Variants in SCAP observed in about 807,000 individuals in gnomAD.
The protein encoded by SCAP is sterol regulatory element-binding protein cleavage-activating protein.
Under a neutral mutation model 123.6 loss-of-function variants are expected in SCAP, and 65 were observed. The ratio of observed to expected loss-of-function variants is 0.53; its 90% CI spans 0.43 to 0.65. SCAP has a LOEUF of 0.65. Ranked by LOEUF, SCAP falls within the 30% of genes least tolerant of loss-of-function variation. The probability of loss-of-function intolerance (pLI) is 0.00; values close to 1 mark genes in which losing one functional copy is unlikely to be tolerated. For missense variants in SCAP, 1,398 were observed against 1,712.5 expected (o/e 0.82, Z 3.24); for synonymous variants, 740 against 726.3 (o/e 1.02, Z -0.30).
intron 1 of SCAP, among the ~76,000 whole-genome samples, chr3:47,447,392 C>T (rs1393235812): frequency 6.6e-6 from 1 of 150,786 alleles, no homozygotes; most frequent in Non-Finnish European, 1.5e-5. Context: ...GACTCCGTCT[C>T]AAAAAAGGAG....
Position 47,417,724 on chromosome 3 carries a change from G to A in SCAP, c.2550C>T (p.Asp850=). Residue 850 remains aspartate (D), a synonymous_variant, in exon 17 of 23, where the codon GAC becomes GAT. Transcript: ENST00000265565. The stretch of plus-strand genomic sequence containing the variant: ...GGGGGCGGTGTCTCAGGGGAGGGCT[G>A]TCCCCAGGCTCCTCTGGACCAGCCT... ...GGKAGPEEPG[D]SPPLRHRPRG... is the part of the protein sequence containing the mutation. 6.2e-7 allele frequency: 1 copy of A among 1,608,222 alleles called. No individual in the cohort carries two copies. Among genetic ancestry groups the A allele is most frequent in the Non-Finnish European group, 8.5e-7 (1 of 1,178,734 alleles).
chr3:47,435,392 A>T (rs960593956), intron 2 of SCAP, among the ~76,000 whole-genome samples: 4 of 151,868 alleles, frequency 2.6e-5, no homozygotes, highest in Non-Finnish European at 5.9e-5. Context: ...AAATGTTTTC[A>T]GGCTGTATAA....
Position 47,420,811 on chromosome 3 carries a change from C to T in SCAP, c.1345-39G>A, listed in dbSNP as rs755973042. On this transcript the variant is annotated intron_variant, in intron 11 of 22. Coordinates refer to ENST00000265565, the MANE Select transcript of SCAP (RefSeq NM_012235.4). This position sits in a 1 kb window ranked among gnomAD's most constrained non-coding sequence, Gnocchi z 5.0. ...AGTGGTCAGGGCCTGAGTCCACCATCCAGAGGCTGCTCGCACAGGACCGCT... is the reference window on the plus strand; with the variant it reads ...AGTGGTCAGGGCCTGAGTCCACCATTCAGAGGCTGCTCGCACAGGACCGCT... The T allele has an allele frequency of 6.2e-7, 1 of 1,600,634 alleles. No individual in the cohort carries two copies.
intron 1 of SCAP, among the ~76,000 whole-genome samples, chr3:47,445,089 G>A (rs1231297573): frequency 6.6e-6 from 1 of 151,506 alleles, no homozygotes; most frequent in East Asian, 2.0e-4. Flanking sequence ...TACTTTTTAT[G>A]GCTGAATATT....
rs1300671938 is a variant in SCAP, at chr3:47,415,172, G to C, written c.3065C>G (p.Ala1022Gly). Residue 1022 changes from alanine (A) to glycine (G), a missense_variant, in exon 19 of 23, where the codon GCT (alanine) becomes GGT (glycine). By Grantham distance (60) the Ala-to-Gly change is moderately conservative. This residue lies in a region of SCAP where 828 missense variants were observed against 882.5 expected (regional missense o/e 0.94). Transcript: ENST00000265565. ...ALVFLDKRIV[A>G]ARLNGSLDFF... ...ATCAAGGGAACCGTTGAGCCGTGCAGCCACAATCCTGGAAGAGAAGAACAG... is the reference window on the plus strand; with the variant it reads ...ATCAAGGGAACCGTTGAGCCGTGCACCCACAATCCTGGAAGAGAAGAACAG... The C allele has an allele frequency of 6.2e-7, 1 of 1,611,160 alleles. No homozygotes were observed. The highest frequency in any genetic ancestry group is 8.5e-7 in the Non-Finnish European group (1 of 1,179,200).
At chr3:47,463,424 G>C (rs1707717695) in intron 1 of SCAP, among the ~76,000 whole-genome samples, 1 of 152,164 alleles carries the variant, frequency 6.6e-6, no homozygotes, top group South Asian at 2.1e-4. Context: ...CAGTGGGCCG[G>C]GGTGCGGTGG....
rs1419222011 is a variant in SCAP at position 47,454,125 on chromosome 3, TGGGTGGCCGAGGC to T, written c.-98-11047_-98-11035del. ...GCTCATGCCTGTAATCCCAGCACTTTGGGTGGCCGAGGCGGGCGGATCACAAGGTCAGGAGATT... is the reference window on the plus strand; with the variant it reads ...GCTCATGCCTGTAATCCCAGCACTTTGGGCGGATCACAAGGTCAGGAGATT... On this transcript the variant is annotated intron_variant, in intron 1 of 22. Transcript: ENST00000265565. Among the ~76,000 whole-genome samples, 5 of 152,292 alleles carry T rather than the reference TGGGTGGCCGAGGC, an allele frequency of 3.3e-5. No homozygotes were observed. In the East Asian group the frequency reaches 9.6e-4, roughly 29 times the overall value.
In SCAP at chr3:47,413,775, C is replaced by CT; in HGVS notation, c.*78dup. ...GGCAGCGGCTGGAAGATACTCGGCTCTTTCCCCCAAGTCCAGGTTCAGTGC... is the reference window on the plus strand; with the variant it reads ...GGCAGCGGCTGGAAGATACTCGGCTCTTTTCCCCCAAGTCCAGGTTCAGTGC... On this transcript the variant is annotated 3_prime_UTR_variant, in exon 23 of 23. Coordinates refer to ENST00000265565, the MANE Select transcript of SCAP (RefSeq NM_012235.4). 6.5e-7 allele frequency: 1 copy of CT among 1,534,358 alleles called. No individual in the cohort carries two copies. Among genetic ancestry groups the CT allele is most frequent in the East Asian group, 2.3e-5 (1 of 44,032 alleles).
At position 47,414,598 on chromosome 3, in the gene SCAP, CCCCTGAGTGG is replaced by C; in HGVS notation, c.3351_3360del (p.His1118ProfsTer28). On this transcript the variant is annotated frameshift_variant, in exon 21 of 23. Coordinates refer to ENST00000265565, the MANE Select transcript of SCAP (RefSeq NM_012235.4). LOFTEE classifies it high-confidence loss of function. ...TGGTCAATGTACACGGTCGTGATGGCCCCTGAGTGGCCCTGAAGGGTGAAGAGGCAGCACG... is the reference window on the plus strand; with the variant it reads ...TGGTCAATGTACACGGTCGTGATGGCCCCTGAAGGGTGAAGAGGCAGCACG... The C allele has an allele frequency of 6.2e-7, 1 of 1,613,458 alleles. No individual in the cohort carries two copies. The highest frequency in any genetic ancestry group is 8.5e-7 in the Non-Finnish European group (1 of 1,180,016).
chr3:47,421,073 C>CT, intron 10 of SCAP, 44 bp from the exon 11 acceptor site: 1 of 1,504,600 alleles, frequency 6.6e-7, no homozygotes, highest in Non-Finnish European at 9.3e-7. Flanking sequence ...CGTGACCTCA[C>CT]TGTCCCAGCC....
chr3:47,447,234 T>C (rs1056098361), intron 1 of SCAP, among the ~76,000 whole-genome samples: 1 of 152,172 alleles, frequency 6.6e-6, no homozygotes, highest in Middle Eastern at 3.4e-3. Context: ...GCCCCTTCTC[T>C]ACTAAAAACA....
chr3:47,413,714 G>A lies in SCAP; in HGVS notation c.*140C>T. 2.5e-6 allele frequency: 3 copies of A among 1,211,140 alleles called. No homozygotes were observed. The highest frequency in any genetic ancestry group is 2.3e-5 in the East Asian group (1 of 42,560). 75.0% of individuals were successfully genotyped at this position (1,211,140 alleles called of 1,614,324 possible). A position where few individuals can be genotyped will look rare whatever the true frequency, so the allele number is the denominator to read the frequency against. Reference sequence around the variant, plus strand: ...AAAGTGCCTGACAGATGATGATATGGTTTTTTAAAAAAGTTTAATATTATT... The same window carrying A: ...AAAGTGCCTGACAGATGATGATATGATTTTTTAAAAAAGTTTAATATTATT... On this transcript the variant is annotated 3_prime_UTR_variant, in exon 23 of 23. Coordinates refer to ENST00000265565, the MANE Select transcript of SCAP (RefSeq NM_012235.4).
In SCAP at chr3:47,450,729, G is replaced by A. The variant is rs1284861891; in HGVS notation, c.-98-7638C>T. Among the ~76,000 whole-genome samples, 2 of 123,056 alleles carry A rather than the reference G, an allele frequency of 1.6e-5. 1 individual carries two copies. The highest frequency in any genetic ancestry group is 5.6e-5 in the African/African-American group (2 of 35,894). The allele number at this position is 123,056 out of a possible 152,430, so 80.7% of individuals were successfully genotyped here. A position where few individuals can be genotyped will look rare whatever the true frequency, so the allele number is the denominator to read the frequency against. On this transcript the variant is annotated intron_variant, in intron 1 of 22. Transcript: ENST00000265565. ...TGCCCAGGCTGGTCTCAAACTCCTG[G>A]GCTCAAGCAATCCTCCTGCCTCAAT...
intron 1 of SCAP, among the ~76,000 whole-genome samples, chr3:47,446,342 TTTTTA>T (rs1707041329): frequency 6.6e-6 from 1 of 151,984 alleles, no homozygotes; most frequent in Non-Finnish European, 1.5e-5. Context: ...CCCGGCTAAT[TTTTTA>T]TTTTTAGTAG....
intron 9 of SCAP, 107 bp downstream of exon 9, chr3:47,423,825 AG>A: frequency 1.3e-6 from 1 of 793,478 alleles, no homozygotes; most frequent in Non-Finnish European, 2.1e-6. Flanking sequence ...GGCAAGAGCA[AG>A]GGACATTTCA....
intron 1 of SCAP, among the ~76,000 whole-genome samples, chr3:47,452,740 G>T (rs1264880247): frequency 6.6e-6 from 1 of 152,128 alleles, no homozygotes; most frequent in African/African-American, 2.4e-5. Context: ...TGGAGCCCAA[G>T]AGTTGCCTAA....
chr3:47,413,963 G>C lies in SCAP; in HGVS notation c.3731C>G (p.Ala1244Gly). ...QTVYLGKNSE[A>G]QPARQILVLD... Reference sequence around the variant, plus strand: ...CACCAGGATCTGGCGGGCAGGCTGGGCCTCACTGTTCTTCCCCAGGTAGAC... The same window carrying C: ...CACCAGGATCTGGCGGGCAGGCTGGCCCTCACTGTTCTTCCCCAGGTAGAC... The change falls in exon 23 of 23, where the codon GCC becomes GGC. Residue 1244 changes from alanine (A) to glycine (G), a missense_variant. By Grantham distance (60) the Ala-to-Gly change is moderately conservative (BLOSUM62 0). This residue lies in a region of SCAP where 130 missense variants were observed against 166.7 expected (regional missense o/e 0.78). Coordinates refer to ENST00000265565, the MANE Select transcript of SCAP (RefSeq NM_012235.4). The C allele has an allele frequency of 6.2e-7, 1 of 1,613,282 alleles. No individual in the cohort carries two copies. Among genetic ancestry groups the C allele is most frequent in the Non-Finnish European group, 8.5e-7 (1 of 1,180,010 alleles).
At chr3:47,441,307 A>C (rs1389327710) in intron 2 of SCAP, among the ~76,000 whole-genome samples, 1 of 152,140 alleles carries the variant, frequency 6.6e-6, no homozygotes, top group South Asian at 2.1e-4. Context: ...CCATCTCTAC[A>C]AAAGACGAAA....
intron 17 of SCAP, 47 bp downstream of exon 17, chr3:47,417,257 C>T (rs1459831301): frequency 8.7e-6 from 14 of 1,612,224 alleles, no homozygotes; most frequent in East Asian, 2.2e-5. Flanking sequence ...GGCCCACAAT[C>T]CCCGGGGCGG....
Sources: allele counts gnomAD v4.1 joint callset (sites outside exome capture counted in the v4.1 genomes callset), GRCh38; gene constraint gnomAD v4.1.1; regional missense constraint gnomAD v4.1.1; non-coding constraint Gnocchi (gnomAD v3.1); transcripts MANE v1.5; gene names NCBI Gene and HGNC (gene_info 2026-07-23, HGNC 2026-07-21).